The following TNNI3K variants were observed in gnomAD, a reference collection of about 807,000 sequenced individuals.
TNNI3K encodes the protein serine/threonine-protein kinase TNNI3K.
TNNI3K carries 140 observed loss-of-function variants against 114.5 expected under a neutral mutation model. The ratio of observed to expected loss-of-function variants is 1.22; its 90% CI spans 1.07 to 1.41. TNNI3K has a LOEUF of 1.41. Among genes scored for constraint, TNNI3K ranks in the 40% most tolerant of loss-of-function variants. The probability of loss-of-function intolerance (pLI) is 0.00; values close to 1 mark genes in which losing one functional copy is unlikely to be tolerated. For synonymous variants in TNNI3K, 347 were observed against 347.5 expected (o/e 1.00, Z 0.02); for missense variants, 1,125 against 1,007.6 (o/e 1.12, Z -1.58).
chr1:74,524,503 C>A lies in TNNI3K; in HGVS notation c.2352-15731C>A, dbSNP rs370496141. On this transcript the variant is annotated intron_variant, in intron 23 of 24. Coordinates refer to ENST00000326637, the MANE Select transcript of TNNI3K (RefSeq NM_015978.3). ...AACTTCTCCCTATTAAAAAATTGCA[C>A]AGGAAAATGCATTAGGAAAAAGTCA... Among the ~76,000 whole-genome samples, 5 of 152,258 alleles carry A rather than the reference C, an allele frequency of 3.3e-5. No homozygotes were observed. In the East Asian group the frequency reaches 9.6e-4, roughly 29 times the overall value.
intron 21 of TNNI3K, chr1:74,471,403 T>A (rs1438354399): frequency 2.5e-6 from 1 of 400,634 alleles, no homozygotes; most frequent in Non-Finnish European, 4.4e-6. Context: ...CTTGCATTGC[T>A]TTGGGAGACT....
chr1:74,418,244 CAG>C, intron 17 of TNNI3K: 1 of 441,052 alleles, frequency 2.3e-6, no homozygotes, highest in Non-Finnish European at 4.5e-6. Context: ...TCAGAAAGAG[CAG>C]AGCAGCAAGA....
chr1:74,373,653 T>A (rs1662727034), intron 17 of TNNI3K: 1 of 151,910 alleles, frequency 6.6e-6, no homozygotes, highest in Non-Finnish European at 1.5e-5. Context: ...CACGAAGCAA[T>A]GACCTAATTG....
chr1:74,540,443 T>C, intron 24 of TNNI3K, 130 bp downstream of exon 24: 1 of 875,454 alleles, frequency 1.1e-6, no homozygotes, highest in Non-Finnish European at 1.7e-6. Context: ...AATATAAAAG[T>C]ATAAAATTTG....
chr1:74,370,491 G>GAATC, intron 17 of TNNI3K, 99 bp downstream of exon 17: 1 of 996,580 alleles, frequency 1.0e-6, no homozygotes, highest in South Asian at 2.2e-5. Flanking sequence ...TGCAGATCAG[G>GAATC]GTACTCTGTG....
intron 9 of TNNI3K, among the ~76,000 whole-genome samples, chr1:74,350,499 C>A (rs948912105): frequency 6.6e-6 from 1 of 152,090 alleles, no homozygotes; most frequent in Non-Finnish European, 1.5e-5. Context: ...TGGTGCAGAG[C>A]TGAGTTCAAT....
chr1:74,353,082 G>C (rs910285674), intron 9 of TNNI3K, among the ~76,000 whole-genome samples, 184 bp from the exon 10 acceptor site: 1 of 151,982 alleles, frequency 6.6e-6, no homozygotes, highest in African/African-American at 2.4e-5. Flanking sequence ...GTTCCTATTC[G>C]GCCATCTTGG....
chr1:74,348,513 A>G (rs1229610727), intron 9 of TNNI3K, among the ~76,000 whole-genome samples: 1 of 152,166 alleles, frequency 6.6e-6, no homozygotes, highest in East Asian at 1.9e-4. Flanking sequence ...ACTTTAAAGT[A>G]GTTTTTTCCA....
chr1:74,378,623 TATATATATATATATATA>T (rs1663038554), intron 17 of TNNI3K: 1 of 80,944 alleles, frequency 1.2e-5, no homozygotes, highest in African/African-American at 5.2e-5. Context: ...TATATATATA[TATATATATATATATATA>T]TTTCATTTCA....
At chr1:74,309,301 G>A (rs1433449102) in intron 5 of TNNI3K, among the ~76,000 whole-genome samples, 2 of 139,520 alleles carry the variant, frequency 1.4e-5, no homozygotes, top group Non-Finnish European at 3.1e-5. Context: ...CCCAGGGGGC[G>A]GAGCCTGCAG....
At chr1:74,329,602 C>T (rs983937654) in intron 5 of TNNI3K, among the ~76,000 whole-genome samples, 1 of 152,000 alleles carries the variant, frequency 6.6e-6, no homozygotes, top group African/African-American at 2.4e-5. Context: ...AGTTTTGGCT[C>T]ATATTTGCTC....
At chr1:74,493,742 C>T (rs565837657) in intron 23 of TNNI3K, among the ~76,000 whole-genome samples, 1 of 152,138 alleles carries the variant, frequency 6.6e-6, no homozygotes, top group African/African-American at 2.4e-5. Context: ...AATGTACTAC[C>T]TGGGGTATAT....
At chr1:74,514,389 G>A (rs748329288) in intron 23 of TNNI3K, among the ~76,000 whole-genome samples, 7 of 152,152 alleles carry the variant, frequency 4.6e-5, no homozygotes, top group Non-Finnish European at 8.8e-5. Context: ...GTTCCTTATC[G>A]AGAGGAAGCA....
chr1:74,544,194 A>G lies in TNNI3K; in HGVS notation c.*212A>G, dbSNP rs1646760884. ...ATGCAAAAGAACCAAGACAGAATGT[A>G]TATGAAGAATTGTTTTTAATTTTGT... On this transcript the variant is annotated 3_prime_UTR_variant, in exon 25 of 25. Coordinates refer to ENST00000326637, the MANE Select transcript of TNNI3K (RefSeq NM_015978.3). 1 of 489,870 alleles carries G rather than the reference A, an allele frequency of 2.0e-6. No individual in the cohort carries two copies. Among genetic ancestry groups the G allele is most frequent in the Non-Finnish European group, 3.5e-6 (1 of 286,106 alleles). The allele number at this position is 489,870 out of a possible 1,614,324, so 30.3% of individuals were successfully genotyped here. A position where few individuals can be genotyped will look rare whatever the true frequency, so the allele number is the denominator to read the frequency against.
intron 17 of TNNI3K, among the ~76,000 whole-genome samples, chr1:74,395,368 C>T (rs377077852): frequency 5.3e-5 from 8 of 151,984 alleles, no homozygotes; most frequent in Admixed American, 2.0e-4. Flanking sequence ...GGACTCCAGC[C>T]GAGAGGGGAG....
intron 21 of TNNI3K, among the ~76,000 whole-genome samples, chr1:74,482,479 G>A (rs1276587959): frequency 1.3e-5 from 2 of 152,154 alleles, no homozygotes; most frequent in Non-Finnish European, 2.9e-5. Flanking sequence ...GATTAGAAAC[G>A]ATATACACAT....
At chr1:74,392,171 A>G (rs6669186) in intron 17 of TNNI3K, among the ~76,000 whole-genome samples, 93,863 of 151,642 alleles carry the variant, frequency 0.62, 30,025 homozygotes, top group Middle Eastern at 0.74. Flanking sequence ...TAAGTCTGTC[A>G]TAAGTGGTAA....
At chr1:74,494,341 G>A (rs965936029) in intron 23 of TNNI3K, among the ~76,000 whole-genome samples, 1 of 152,168 alleles carries the variant, frequency 6.6e-6, no homozygotes, top group Non-Finnish European at 1.5e-5. Flanking sequence ...TCTGATAAAG[G>A]AGTTGCAGCT....
At chr1:74,343,033 T>TA in intron 8 of TNNI3K, 42 bp from the exon 9 acceptor site, 3 of 1,613,424 alleles carry the variant, frequency 1.9e-6, no homozygotes, top group Non-Finnish European at 2.5e-6. Context: ...ATACTGCATG[T>TA]ACTTGCTTAC....
Sources: gnomAD v4.1 joint callset for allele counts (sites outside exome capture counted in the v4.1 genomes callset) on GRCh38, gnomAD v4.1.1 for gene constraint, MANE v1.5 for transcripts, NCBI Gene and HGNC (gene_info 2026-07-23, HGNC 2026-07-21) for gene names.